The following CLSTN2 variants were observed in gnomAD, a reference collection of about 807,000 sequenced individuals.
The protein encoded by CLSTN2 is calsyntenin-2.
In CLSTN2, 48 loss-of-function variants were observed where a neutral mutation model predicts 101.2. The ratio of observed to expected loss-of-function variants is 0.47; its 90% CI spans 0.38 to 0.60. The LOEUF (loss-of-function observed/expected upper bound fraction) is 0.60. Ranked by LOEUF, CLSTN2 falls within the 20% of genes least tolerant of loss-of-function variation. The pLI is 0.00. For missense variants in CLSTN2, 1,160 were observed against 1,238.2 expected (o/e 0.94, Z 0.95); for synonymous variants, 481 against 463.6 (o/e 1.04, Z -0.48).
In CLSTN2 at chr3:140,556,427, G is replaced by A. The variant is rs974616964; in HGVS notation, c.1675-86G>A. 6.8e-6 allele frequency: 9 copies of A among 1,315,626 alleles called. No homozygotes were observed. In the Admixed American group the frequency reaches 1.4e-4, roughly 20 times the overall value. The allele number at this position is 1,315,626 out of a possible 1,614,324, so 81.5% of individuals were successfully genotyped here. A position where few individuals can be genotyped will look rare whatever the true frequency, so the allele number is the denominator to read the frequency against. On this transcript the variant is annotated intron_variant, in intron 10 of 16. Transcript: ENST00000458420. ...CTAGAGGTGTTTATGGTGACCCTTG[G>A]TGCCCTGTATGGACAGGAAGTGCTC...
intron 1 of CLSTN2, among the ~76,000 whole-genome samples, chr3:140,020,849 C>T (rs1464932165): frequency 2.6e-5 from 4 of 152,156 alleles, no homozygotes; most frequent in Non-Finnish European, 4.4e-5. Context: ...AATCATTGCA[C>T]GACATAGACT....
At chr3:140,137,857 G>T (rs893181992) in intron 1 of CLSTN2, among the ~76,000 whole-genome samples, 12 of 152,152 alleles carry the variant, frequency 7.9e-5, no homozygotes, top group Non-Finnish European at 1.2e-4. Flanking sequence ...GTTGTGCAGG[G>T]TTAAGCAGCA....
In CLSTN2 at chr3:140,322,980, T is replaced by A. The variant is rs1259228622; in HGVS notation, c.233-80649T>A. On this transcript the variant is annotated intron_variant, in intron 2 of 16. Coordinates refer to ENST00000458420, the MANE Select transcript of CLSTN2 (RefSeq NM_022131.3). ...TCTCTAATGATCTGATCCATGCCGC[T>A]TTTTTGGGTGGGAAGTTATTACAAC... Among the ~76,000 whole-genome samples the A allele has an allele frequency of 2.6e-5, 4 of 152,222 alleles. No homozygotes were observed. In the East Asian group the frequency reaches 5.8e-4, roughly 22 times the overall value.
intron 1 of CLSTN2, among the ~76,000 whole-genome samples, chr3:139,956,287 C>G (rs2107812507): frequency 6.6e-6 from 1 of 152,304 alleles, no homozygotes; most frequent in South Asian, 2.1e-4. Context: ...CTCATTTTCT[C>G]TAACTCTACT....
At chr3:140,124,038 G>A (rs2009389948) in intron 1 of CLSTN2, among the ~76,000 whole-genome samples, 1 of 152,052 alleles carries the variant, frequency 6.6e-6, no homozygotes, top group Admixed American at 6.5e-5. Flanking sequence ...CATGAAGAGA[G>A]AGACAATTTT....
At position 140,199,786 on chromosome 3, in the gene CLSTN2, A is replaced by G. The variant is rs2010695020; in HGVS notation, c.232+23713A>G. Among the ~76,000 whole-genome samples, 3 of 152,170 alleles carry G rather than the reference A, an allele frequency of 2.0e-5. No individual in the cohort carries two copies. In the South Asian group the frequency reaches 6.2e-4, roughly 32 times the overall value. ...ATCTGATGTTCTCCAAAGTGTGGGA[A>G]CCACTGGGAGGAACAAACTGAGTAA... On this transcript the variant is annotated intron_variant, in intron 2 of 16. Coordinates refer to ENST00000458420, the MANE Select transcript of CLSTN2 (RefSeq NM_022131.3).
intron 1 of CLSTN2, among the ~76,000 whole-genome samples, chr3:140,142,205 G>A (rs1366098932): frequency 6.6e-6 from 1 of 152,148 alleles, no homozygotes; most frequent in Admixed American, 6.5e-5. Flanking sequence ...CTTGGCTCAT[G>A]TTGCTTCCTT....
chr3:140,539,984 C>G (rs371195967), intron 9 of CLSTN2, among the ~76,000 whole-genome samples: 1 of 152,168 alleles, frequency 6.6e-6, no homozygotes, highest in Admixed American at 6.5e-5. Flanking sequence ...ACAGGCCCAT[C>G]AGACATCATG....
chr3:139,940,839 G>T (rs1352695684), intron 1 of CLSTN2, among the ~76,000 whole-genome samples: 2 of 152,014 alleles, frequency 1.3e-5, no homozygotes, highest in Non-Finnish European at 2.9e-5. Context: ...TCAGAGTAAA[G>T]GTCAGCAATA....
chr3:140,244,152 G>A (rs1323805542), intron 2 of CLSTN2, among the ~76,000 whole-genome samples: 1 of 152,202 alleles, frequency 6.6e-6, no homozygotes, highest in Non-Finnish European at 1.5e-5. Context: ...TCAAGCCAGG[G>A]TTATGTAGCA....
chr3:140,309,312 C>A (rs1474989131), intron 2 of CLSTN2, among the ~76,000 whole-genome samples: 1 of 152,060 alleles, frequency 6.6e-6, no homozygotes, highest in Non-Finnish European at 1.5e-5. Context: ...CCAGAGGTGG[C>A]AAGATGCTTG....
chr3:140,063,423 G>C (rs573188633), intron 1 of CLSTN2, among the ~76,000 whole-genome samples: 9 of 152,158 alleles, frequency 5.9e-5, no homozygotes, highest in Non-Finnish European at 1.3e-4. Flanking sequence ...GGGGAGAGGA[G>C]TAAAGCTCCT....
intron 1 of CLSTN2, among the ~76,000 whole-genome samples, chr3:140,093,122 G>T (rs2008809228): frequency 1.3e-5 from 2 of 152,166 alleles, no homozygotes; most frequent in African/African-American, 4.8e-5. Context: ...AGAGGCTTTA[G>T]GCCCATTTTG....
At chr3:140,265,869 T>C (rs2086689658) in intron 2 of CLSTN2, among the ~76,000 whole-genome samples, 2 of 152,168 alleles carry the variant, frequency 1.3e-5, no homozygotes, top group African/African-American at 4.8e-5. Context: ...AGTCTTCCTC[T>C]TGTGATATGA....
intron 2 of CLSTN2, among the ~76,000 whole-genome samples, chr3:140,320,200 T>G (rs1361785133): frequency 1.3e-5 from 2 of 152,206 alleles, no homozygotes; most frequent in East Asian, 1.9e-4. Context: ...ACCTAAGAAC[T>G]CCATGCACAG....
At chr3:140,072,706 T>A (rs1431124237) in intron 1 of CLSTN2, among the ~76,000 whole-genome samples, 1 of 152,236 alleles carries the variant, frequency 6.6e-6, no homozygotes, top group African/African-American at 2.4e-5. Context: ...AAGCCAGTTT[T>A]AATGAGCTGT....
intron 1 of CLSTN2, among the ~76,000 whole-genome samples, chr3:140,160,013 G>T (rs148614252): frequency 3.9e-5 from 6 of 152,032 alleles, no homozygotes; most frequent in Admixed American, 2.6e-4. Context: ...ACTAGAAGGG[G>T]AAAGTAGCAT....
At chr3:140,099,533 T>A (rs1296421032) in intron 1 of CLSTN2, among the ~76,000 whole-genome samples, 1 of 152,142 alleles carries the variant, frequency 6.6e-6, no homozygotes, top group African/African-American at 2.4e-5. Context: ...GAGACCCTTT[T>A]CCCAAAGAAG....
chr3:140,146,919 G>C (rs1461610109), intron 1 of CLSTN2, among the ~76,000 whole-genome samples: 3 of 152,158 alleles, frequency 2.0e-5, no homozygotes, highest in Non-Finnish European at 4.4e-5. Flanking sequence ...CCCTTATTTA[G>C]TATCTATTCA....
Sources: allele counts gnomAD v4.1 joint callset (sites outside exome capture counted in the v4.1 genomes callset), GRCh38; gene constraint gnomAD v4.1.1; transcripts MANE v1.5; gene names NCBI Gene and HGNC (gene_info 2026-07-23, HGNC 2026-07-21).